CDC42BPA: variants seen among roughly 807,000 people sequenced by gnomAD.
CDC42BPA encodes the protein CDC42 binding protein kinase alpha.
Under a neutral mutation model 223.5 loss-of-function variants are expected in CDC42BPA, and 80 were observed. The ratio of observed to expected loss-of-function variants is 0.36; its 90% CI spans 0.30 to 0.43. The LOEUF (loss-of-function observed/expected upper bound fraction) is 0.43, where lower values mean the gene tolerates loss of function less well. CDC42BPA is among the 20% of genes least tolerant of loss of function. The pLI is 1.00. For synonymous variants in CDC42BPA, 694 were observed against 718.6 expected (o/e 0.97, Z 0.55); for missense variants, 1,743 against 2,099.9 (o/e 0.83, Z 3.32).
intron 5 of CDC42BPA, among the ~76,000 whole-genome samples, chr1:227,173,471 C>T (rs1256371981): frequency 6.6e-6 from 1 of 152,078 alleles, no homozygotes; most frequent in Non-Finnish European, 1.5e-5. Context: ...TTGAGTCATA[C>T]TATGTTTTGC....
At chr1:227,070,675 G>A (rs1452822946) in intron 20 of CDC42BPA, among the ~76,000 whole-genome samples, 1 of 151,602 alleles carries the variant, frequency 6.6e-6, no homozygotes, top group Admixed American at 6.6e-5. Flanking sequence ...AGAGACTTGG[G>A]GAAATAATAG....
chr1:227,013,633 T>C (rs187782197), intron 34 of CDC42BPA, among the ~76,000 whole-genome samples: 5 of 152,238 alleles, frequency 3.3e-5, no homozygotes, highest in Admixed American at 2.0e-4. Context: ...CGGGCTAGAA[T>C]AGAATGTCTA....
chr1:227,146,513 CAAATT>C (rs1660733172), intron 7 of CDC42BPA, among the ~76,000 whole-genome samples: 1 of 152,012 alleles, frequency 6.6e-6, no homozygotes, highest in African/African-American at 2.4e-5. Flanking sequence ...TTCACTAGAA[CAAATT>C]AAAAAGAATA....
intron 21 of CDC42BPA, chr1:227,068,415 T>C (rs1231859744): frequency 6.3e-6 from 1 of 159,802 alleles, no homozygotes; most frequent in African/African-American, 2.4e-5. Flanking sequence ...TTACAAAGAC[T>C]GAAAATACTG....
chr1:227,195,047 A>G (rs1331746867), intron 4 of CDC42BPA, among the ~76,000 whole-genome samples: 1 of 152,194 alleles, frequency 6.6e-6, no homozygotes, highest in African/African-American at 2.4e-5. Flanking sequence ...TTTTATTACT[A>G]TATGTTAAAA....
intron 22 of CDC42BPA, among the ~76,000 whole-genome samples, chr1:227,050,580 T>C (rs886433256): frequency 2.0e-5 from 3 of 152,154 alleles, no homozygotes; most frequent in South Asian, 2.1e-4. Context: ...AATGGATAAG[T>C]AGTTGTGGTA....
chr1:227,154,826 A>T (rs185796317), intron 6 of CDC42BPA, among the ~76,000 whole-genome samples: 1 of 152,286 alleles, frequency 6.6e-6, no homozygotes, highest in East Asian at 1.9e-4. Flanking sequence ...TCTTAAATAC[A>T]TAAGCCAGTG....
intron 15 of CDC42BPA, among the ~76,000 whole-genome samples, 182 bp downstream of exon 15, chr1:227,100,810 T>A (rs1046775224): frequency 7.0e-6 from 1 of 142,820 alleles, no homozygotes; most frequent in African/African-American, 2.6e-5. Context: ...AGAAGTAATT[T>A]TGTTCAGAAT....
intron 16 of CDC42BPA, among the ~76,000 whole-genome samples, chr1:227,088,557 T>C (rs1050419490): frequency 6.6e-6 from 1 of 152,214 alleles, no homozygotes; most frequent in African/African-American, 2.4e-5. Context: ...TCATGTTAAA[T>C]ATTTTCCACA....
intron 21 of CDC42BPA, among the ~76,000 whole-genome samples, chr1:227,064,755 C>G (rs1432705588): frequency 6.6e-6 from 1 of 152,086 alleles, no homozygotes; most frequent in African/African-American, 2.4e-5. Context: ...AATGGAAATG[C>G]CTTTCTCAAG....
chr1:227,279,813 T>G (rs1279033874), intron 1 of CDC42BPA, among the ~76,000 whole-genome samples: 1 of 152,080 alleles, frequency 6.6e-6, no homozygotes, highest in Non-Finnish European at 1.5e-5. Flanking sequence ...TCCCAGCACT[T>G]TGGGAAGCCA....
At chr1:227,166,455 A>G (rs1665051795) in intron 5 of CDC42BPA, among the ~76,000 whole-genome samples, 1 of 152,222 alleles carries the variant, frequency 6.6e-6, no homozygotes, top group Non-Finnish European at 1.5e-5. Context: ...ATATTTCACT[A>G]AATTACCAGG....
At chr1:226,998,491 C>T (rs9724937) in intron 35 of CDC42BPA, among the ~76,000 whole-genome samples, 56,759 of 151,960 alleles carry the variant, frequency 0.37, 11,338 homozygotes, top group Non-Finnish European at 0.46. Flanking sequence ...AGTAATGCCA[C>T]GTATCTACAA....
chr1:227,284,964 CA>C (rs67192689), intron 1 of CDC42BPA, among the ~76,000 whole-genome samples: 76 of 144,082 alleles, frequency 5.3e-4, no homozygotes, highest in East Asian at 6.3e-4. Context: ...CCCCATCTCA[CA>C]AAAAAAAAAA....
rs372886840 is a variant in CDC42BPA, at chr1:227,233,435, T to C, written c.271-20216A>G. Among the ~76,000 whole-genome samples, 55 of 152,288 alleles carry C rather than the reference T, an allele frequency of 3.6e-4. No individual in the cohort carries two copies. The South Asian group carries it at 4.4e-3, about 12-fold the overall frequency. On this transcript the variant is annotated intron_variant, in intron 2 of 36. Transcript: ENST00000366766. ...GTCCTGTTCCTGATCTTAGACAGAA[T>C]GCATCTAAAGTTTCTCCATAAAAGG...
intron 10 of CDC42BPA, among the ~76,000 whole-genome samples, chr1:227,137,001 T>G (rs1282348716): frequency 1.3e-5 from 2 of 152,080 alleles, no homozygotes; most frequent in African/African-American, 4.8e-5. Flanking sequence ...AATAAAAAGA[T>G]ACTTAAAATT....
At chr1:227,210,055 G>C (rs1673596367) in intron 3 of CDC42BPA, among the ~76,000 whole-genome samples, 1 of 151,986 alleles carries the variant, frequency 6.6e-6, no homozygotes, top group South Asian at 2.1e-4. Context: ...GGTCTATTCA[G>C]AGATTCAACT....
At chr1:227,303,501 G>C (rs550877984) in intron 1 of CDC42BPA, among the ~76,000 whole-genome samples, 1 of 152,310 alleles carries the variant, frequency 6.6e-6, no homozygotes, top group Admixed American at 6.5e-5. Flanking sequence ...GAGGGATAAA[G>C]TAACCCAATG....
chr1:227,239,978 T>C (rs201675991), intron 2 of CDC42BPA, among the ~76,000 whole-genome samples: 3 of 151,706 alleles, frequency 2.0e-5, no homozygotes, highest in Admixed American at 2.0e-4. Flanking sequence ...TGCGTCCCTA[T>C]TCTGAAAATC....
Sources: gnomAD v4.1 joint callset for allele counts (sites outside exome capture counted in the v4.1 genomes callset) on GRCh38, gnomAD v4.1.1 for gene constraint, MANE v1.5 for transcripts, NCBI Gene and HGNC (gene_info 2026-07-23, HGNC 2026-07-21) for gene names.